Variants in EYS observed in about 807,000 individuals in gnomAD.
EYS encodes protein eyes shut homolog.
EYS carries 250 observed loss-of-function variants against 282.1 expected under a neutral mutation model. The observed-to-expected ratio is 0.89, with a 90% confidence interval of 0.80 to 0.98. The LOEUF is 0.98. EYS is among the 50% of genes least tolerant of loss of function. The probability of loss-of-function intolerance (pLI) is 0.00; values close to 1 mark genes in which losing one functional copy is unlikely to be tolerated. For missense variants in EYS, 4,016 were observed against 3,709.0 expected (o/e 1.08, Z -2.15); for synonymous variants, 1,355 against 1,282.9 (o/e 1.06, Z -1.20).
chr6:64,501,602 C>G (rs1427940193), intron 26 of EYS, among the ~76,000 whole-genome samples: 1 of 151,990 alleles, frequency 6.6e-6, no homozygotes, highest in Non-Finnish European at 1.5e-5. Flanking sequence ...GAAGGCATAG[C>G]CCATGATCTA....
chr6:64,794,701 T>C (rs1427013604), intron 22 of EYS, among the ~76,000 whole-genome samples: 2 of 152,184 alleles, frequency 1.3e-5, no homozygotes, highest in Non-Finnish European at 2.9e-5. Flanking sequence ...TATACATACA[T>C]ATTCAGCTTT....
chr6:63,748,774 A>G (rs940633509), intron 41 of EYS, among the ~76,000 whole-genome samples: 2 of 152,108 alleles, frequency 1.3e-5, no homozygotes, highest in African/African-American at 2.4e-5. Context: ...TTGTGTGCAT[A>G]GAAGTGTTTA....
At chr6:65,036,923 C>A (rs768841375) in intron 13 of EYS, among the ~76,000 whole-genome samples, 1 of 151,902 alleles carries the variant, frequency 6.6e-6, no homozygotes, top group African/African-American at 2.4e-5. Flanking sequence ...GAACTTAAAA[C>A]AGAATTATCA....
At chr6:64,440,929 G>C (rs1458481495) in intron 26 of EYS, among the ~76,000 whole-genome samples, 2 of 152,072 alleles carry the variant, frequency 1.3e-5, no homozygotes, top group Non-Finnish European at 2.9e-5. Context: ...GAATATATTT[G>C]AGTTACTAAG....
chr6:65,472,017 T>G (rs1372563609), intron 5 of EYS, among the ~76,000 whole-genome samples: 1 of 152,144 alleles, frequency 6.6e-6, no homozygotes, highest in East Asian at 1.9e-4. Context: ...TTGTTCATCT[T>G]GCTTTAATTC....
intron 28 of EYS, among the ~76,000 whole-genome samples, chr6:64,407,191 C>T (rs1240933219): frequency 2.6e-5 from 4 of 151,896 alleles, no homozygotes; most frequent in Admixed American, 6.6e-5. Flanking sequence ...AGCAAGCTAA[C>T]GCATGAACAG....
chr6:65,114,422 G>A (rs1257929960), intron 12 of EYS, among the ~76,000 whole-genome samples: 1 of 147,994 alleles, frequency 6.8e-6, no homozygotes, highest in East Asian at 2.0e-4. Flanking sequence ...TGAAATCCTG[G>A]CATTCTTATT....
At chr6:65,281,436 A>G (rs1768217714) in intron 12 of EYS, among the ~76,000 whole-genome samples, 1 of 152,122 alleles carries the variant, frequency 6.6e-6, no homozygotes, top group African/African-American at 2.4e-5. Flanking sequence ...AGTCACTGAA[A>G]ATTACTTTGA....
At chr6:64,038,922 A>T (rs1440151019) in intron 33 of EYS, among the ~76,000 whole-genome samples, 1 of 151,360 alleles carries the variant, frequency 6.6e-6, no homozygotes, top group Non-Finnish European at 1.5e-5. Flanking sequence ...CTTCAGCCTC[A>T]CTCTCCTGAG....
chr6:63,905,991 CCT>C (rs1773771246), intron 35 of EYS, among the ~76,000 whole-genome samples: 1 of 152,104 alleles, frequency 6.6e-6, no homozygotes. Context: ...TTGCTCAATC[CCT>C]GAAGCTCATT....
intron 19 of EYS, among the ~76,000 whole-genome samples, chr6:64,833,032 A>G (rs1455350215): frequency 6.6e-6 from 1 of 151,940 alleles, no homozygotes; most frequent in Non-Finnish European, 1.5e-5. Context: ...ATTCCAACTC[A>G]TAAGAATGAG....
chr6:64,801,236 T>C (rs938771998), intron 22 of EYS, among the ~76,000 whole-genome samples: 1 of 152,106 alleles, frequency 6.6e-6, no homozygotes, highest in African/African-American at 2.4e-5. Context: ...AATTTTTTTA[T>C]ATAGGACAAG....
intron 5 of EYS, among the ~76,000 whole-genome samples, chr6:65,415,373 G>C (rs1767188922): frequency 6.6e-6 from 1 of 152,030 alleles, no homozygotes; most frequent in African/African-American, 2.4e-5. Flanking sequence ...ATAAAAATTT[G>C]TGAAGCATTG....
chr6:64,464,682 T>C (rs568758043), intron 26 of EYS, among the ~76,000 whole-genome samples: 1 of 152,172 alleles, frequency 6.6e-6, no homozygotes, highest in Admixed American at 6.5e-5. Flanking sequence ...AACTGGGTGA[T>C]ATAACAAATG....
chr6:65,278,572 G>T (rs901920819), intron 12 of EYS, among the ~76,000 whole-genome samples: 72 of 151,662 alleles, frequency 4.7e-4, no homozygotes, highest in South Asian at 1.9e-3. Context: ...AGGTTATTCA[G>T]TGTGGCATAA....
intron 33 of EYS, among the ~76,000 whole-genome samples, chr6:64,049,823 G>A (rs1208997314): frequency 6.6e-6 from 1 of 152,156 alleles, no homozygotes; most frequent in Non-Finnish European, 1.5e-5. Flanking sequence ...TTTTTCTGAA[G>A]ACAGATAGAA....
At position 65,691,939 on chromosome 6, in the gene EYS, T is replaced by C. The variant is rs1490370020; in HGVS notation, c.-448+15196A>G. The stretch of plus-strand genomic sequence containing the variant: ...CTCCGTTAAGTTCCATTGGTCTATA[T>C]ATCTGTTTTGGCACCAGTACAAGTT... On this transcript the variant is annotated intron_variant, in intron 1 of 42. Transcript: ENST00000503581. 1.3e-5 allele frequency among the ~76,000 whole-genome samples: 2 copies of C among 150,220 alleles called. 1 individual carries two copies. The highest frequency in any genetic ancestry group is 4.9e-5 in the African/African-American group (2 of 41,192).
chr6:65,416,922 G>T (rs144977443), intron 5 of EYS, among the ~76,000 whole-genome samples: 341 of 152,014 alleles, frequency 2.2e-3, no homozygotes, highest in African/African-American at 7.8e-3. Context: ...ATAAATACAA[G>T]AAAATTGAAG....
chr6:63,927,026 G>A (rs543566650), intron 35 of EYS, among the ~76,000 whole-genome samples: 4 of 152,236 alleles, frequency 2.6e-5, no homozygotes, highest in Admixed American at 2.6e-4. Context: ...GTGTCGTTAT[G>A]CTCATTTTCT....
Sources: allele counts gnomAD v4.1 joint callset (sites outside exome capture counted in the v4.1 genomes callset), GRCh38; gene constraint gnomAD v4.1.1; transcripts MANE v1.5; gene names NCBI Gene and HGNC (gene_info 2026-07-23, HGNC 2026-07-21).